Variants in ASCC3 observed in about 807,000 individuals in gnomAD.
ASCC3 encodes ASC-1 complex subunit P200.
Under a neutral mutation model 256.3 loss-of-function variants are expected in ASCC3, and 158 were observed. The ratio of observed to expected loss-of-function variants is 0.62; its 90% CI spans 0.54 to 0.70. ASCC3 has a LOEUF of 0.70. Ranked by LOEUF, ASCC3 falls within the 30% of genes least tolerant of loss-of-function variation. The pLI is 0.00. For synonymous variants in ASCC3, 948 were observed against 883.4 expected (o/e 1.07, Z -1.30); for missense variants, 2,259 against 2,626.0 (o/e 0.86, Z 3.05).
At chr6:100,661,323 T>TCGCGCACACACACACACA (rs1435976050) in intron 16 of ASCC3, among the ~76,000 whole-genome samples, 1 of 141,516 alleles carries the variant, frequency 7.1e-6, no homozygotes, top group Admixed American at 7.1e-5. Flanking sequence ...AACACAAAAG[T>TCGCGCACACACACACACA]CACACACACA....
intron 8 of ASCC3, among the ~76,000 whole-genome samples, chr6:100,769,179 G>A (rs946816313): frequency 2.6e-5 from 4 of 151,952 alleles, no homozygotes; most frequent in South Asian, 2.1e-4. Flanking sequence ...TCATCTCATC[G>A]AAGTAGAGAG....
intron 2 of ASCC3, among the ~76,000 whole-genome samples, chr6:100,867,136 G>T (rs767003878): frequency 2.0e-5 from 3 of 152,158 alleles, no homozygotes; most frequent in Non-Finnish European, 2.9e-5. Context: ...CACTGAAGAA[G>T]TTCCTTCGAT....
chr6:100,748,718 G>C (rs1780798997), intron 10 of ASCC3, among the ~76,000 whole-genome samples: 1 of 151,926 alleles, frequency 6.6e-6, no homozygotes, highest in Non-Finnish European at 1.5e-5. Context: ...GAGAACTGAA[G>C]TATTATATTT....
chr6:100,575,497 C>T (rs1442937446), intron 36 of ASCC3, among the ~76,000 whole-genome samples: 2 of 151,990 alleles, frequency 1.3e-5, no homozygotes, highest in African/African-American at 4.8e-5. Flanking sequence ...GTACTGAGAA[C>T]GGCTAAACCT....
chr6:100,688,861 G>A (rs1314855929), intron 13 of ASCC3, among the ~76,000 whole-genome samples: 1 of 152,018 alleles, frequency 6.6e-6, no homozygotes, highest in Non-Finnish European at 1.5e-5. Flanking sequence ...AACTATAGGA[G>A]GAAGTAACCA....
intron 17 of ASCC3, among the ~76,000 whole-genome samples, chr6:100,655,022 A>T (rs923657169): frequency 1.3e-5 from 2 of 151,988 alleles, no homozygotes; most frequent in African/African-American, 2.4e-5. Flanking sequence ...TATCCATATG[A>T]TCATTGTAGA....
At chr6:100,581,969 C>A (rs1771303855) in intron 36 of ASCC3, among the ~76,000 whole-genome samples, 1 of 152,108 alleles carries the variant, frequency 6.6e-6, no homozygotes, top group Non-Finnish European at 1.5e-5. Flanking sequence ...CAGTACCATG[C>A]TGTTTTGGTT....
Position 100,638,728 on chromosome 6 carries a change from G to C in ASCC3, c.3995C>G (p.Thr1332Arg). 6.2e-7 allele frequency: 1 copy of C among 1,613,978 alleles called. No homozygotes were observed. The highest frequency in any genetic ancestry group is 8.5e-7 in the Non-Finnish European group (1 of 1,179,890). ...GTGATACAATGTATGAAATATTTGTGTCTGTACAGGGTTAAAGTGGCTGAA... is the reference window on the plus strand; with the variant it reads ...GTGATACAATGTATGAAATATTTGTCTCTGTACAGGGTTAAAGTGGCTGAA... ...YNFSHFNPVQ[T>R]QIFHTLYHTD... The change falls in exon 25 of 42, where the codon ACA becomes AGA. Residue 1332 changes from threonine to arginine, a missense_variant. Physicochemically the swap from Thr to Arg is moderately conservative, Grantham distance 71 (BLOSUM62 -1). Transcript: ENST00000369162.
chr6:100,838,195 T>G lies in ASCC3; in HGVS notation c.801+9953A>C, dbSNP rs189342851. On this transcript the variant is annotated intron_variant, in intron 4 of 41. Transcript: ENST00000369162. The stretch of plus-strand genomic sequence containing the variant: ...TTAGGAAATGTCTTTCTTTGAGATA[T>G]GATGCAATTTTAGATTTGCATGTGA... Among the ~76,000 whole-genome samples the G allele has an allele frequency of 2.1e-4, 32 of 152,194 alleles. 1 individual carries two copies. Among genetic ancestry groups the G allele is most frequent in the Admixed American group, 1.8e-3 (28 of 15,282 alleles).
At chr6:100,764,206 A>G (rs562194859) in intron 10 of ASCC3, among the ~76,000 whole-genome samples, 1 of 152,354 alleles carries the variant, frequency 6.6e-6, no homozygotes, top group South Asian at 2.1e-4. Flanking sequence ...ACACTACATC[A>G]GGTCCAAAAG....
chr6:100,719,229 A>C (rs1441921943), intron 11 of ASCC3, among the ~76,000 whole-genome samples: 1 of 152,144 alleles, frequency 6.6e-6, no homozygotes, highest in African/African-American at 2.4e-5. Context: ...ATCTTATTAT[A>C]AATTTGTTTT....
chr6:100,530,708 G>A, intron 37 of ASCC3: 1 of 944,676 alleles, frequency 1.1e-6, no homozygotes, highest in Non-Finnish European at 1.8e-6. Flanking sequence ...TACCCAAGAT[G>A]TAACAAGAAT....
At chr6:100,791,301 T>G (rs1398345786) in intron 8 of ASCC3, among the ~76,000 whole-genome samples, 2 of 151,928 alleles carry the variant, frequency 1.3e-5, no homozygotes, top group Non-Finnish European at 1.5e-5. Context: ...AGTTGCACTC[T>G]AAATAATACT....
chr6:100,571,882 GTGAA>G (rs1770608807), intron 36 of ASCC3, among the ~76,000 whole-genome samples: 1 of 152,200 alleles, frequency 6.6e-6, no homozygotes, highest in African/African-American at 2.4e-5. Flanking sequence ...ATGGCAGTCA[GTGAA>G]AACTAGAGTT....
chr6:100,538,484 AT>A (rs35223914), intron 37 of ASCC3, among the ~76,000 whole-genome samples: 1 of 152,146 alleles, frequency 6.6e-6, no homozygotes, highest in Non-Finnish European at 1.5e-5. Flanking sequence ...TAAAATTGTT[AT>A]TTTTGGTAAC....
intron 18 of ASCC3, 48 bp downstream of exon 18, chr6:100,652,677 A>G (rs1353919804): frequency 5.8e-6 from 9 of 1,553,314 alleles, no homozygotes; most frequent in Non-Finnish European, 8.0e-6. Flanking sequence ...TTTGAAGTCT[A>G]GAAAGTATTT....
intron 37 of ASCC3, among the ~76,000 whole-genome samples, chr6:100,535,737 G>A (rs952699130): frequency 6.6e-6 from 1 of 152,080 alleles, no homozygotes; most frequent in Non-Finnish European, 1.5e-5. Context: ...AAAGTGCTGG[G>A]ATTATAGGCA....
chr6:100,622,567 T>C lies in ASCC3; in HGVS notation c.4785+2625A>G, dbSNP rs146560313. ...TTATAGCAGTATGAAAACAGACTAA[T>C]ACACCTATGTAACAAACCTGCACAT... On this transcript the variant is annotated intron_variant, in intron 30 of 41. Transcript: ENST00000369162. 3.9e-3 allele frequency among the ~76,000 whole-genome samples: 586 copies of C among 152,128 alleles called. 3 individuals carry two copies. The highest frequency in any genetic ancestry group is 0.013 in the African/African-American group (557 of 41,498).
At chr6:100,546,480 A>G (rs1399649493) in intron 36 of ASCC3, among the ~76,000 whole-genome samples, 1 of 152,172 alleles carries the variant, frequency 6.6e-6, no homozygotes, top group Non-Finnish European at 1.5e-5. Flanking sequence ...TTATAGTTTA[A>G]TGTATTTTAA....
Sources: gnomAD v4.1 joint callset for allele counts (sites outside exome capture counted in the v4.1 genomes callset) on GRCh38, gnomAD v4.1.1 for gene constraint, MANE v1.5 for transcripts, NCBI Gene and HGNC (gene_info 2026-07-23, HGNC 2026-07-21) for gene names.